Variants in TNR observed in about 807,000 individuals in gnomAD.
TNR encodes tenascin R, also known as tenascin-R.
TNR carries 45 observed loss-of-function variants against 150.4 expected under a neutral mutation model. That is an observed-to-expected ratio of 0.30 (90% CI 0.24 to 0.38). The LOEUF is 0.38. Ranked by LOEUF, TNR falls within the 10% of genes least tolerant of loss-of-function variation. The probability of loss-of-function intolerance (pLI) is 1.00; values close to 1 mark genes in which losing one functional copy is unlikely to be tolerated. For synonymous variants in TNR, 687 were observed against 678.4 expected (o/e 1.01, Z -0.20); for missense variants, 1,544 against 1,759.1 (o/e 0.88, Z 2.19).
chr1:175,693,183 C>T (rs996391623), intron 1 of TNR, among the ~76,000 whole-genome samples: 5 of 152,256 alleles, frequency 3.3e-5, no homozygotes, highest in African/African-American at 9.6e-5. Flanking sequence ...TGCATCATCA[C>T]ACACAATCCC....
At chr1:175,352,519 G>A (rs972478402) in intron 18 of TNR, among the ~76,000 whole-genome samples, 1 of 152,202 alleles carries the variant, frequency 6.6e-6, no homozygotes, top group Non-Finnish European at 1.5e-5. Context: ...ATTAACCTGC[G>A]AATGTGCAGG....
intron 1 of TNR, among the ~76,000 whole-genome samples, chr1:175,549,313 A>G (rs184904992): frequency 9.3e-4 from 141 of 152,370 alleles, no homozygotes; most frequent in African/African-American, 3.2e-3. Flanking sequence ...TCAAACACTG[A>G]TATTAAAAAC....
intron 2 of TNR, among the ~76,000 whole-genome samples, chr1:175,416,880 C>T (rs944423133): frequency 1.4e-4 from 22 of 151,960 alleles, no homozygotes; most frequent in African/African-American, 4.8e-4. Flanking sequence ...TGGTGGCAGG[C>T]GCCTGTAGTC....
intron 1 of TNR, among the ~76,000 whole-genome samples, chr1:175,639,257 C>T (rs1664579134): frequency 6.6e-6 from 1 of 152,180 alleles, no homozygotes; most frequent in African/African-American, 2.4e-5. Flanking sequence ...AACTTCTTGT[C>T]TGAGCAATGT....
intron 1 of TNR, among the ~76,000 whole-genome samples, chr1:175,674,649 G>A (rs1398903929): frequency 6.6e-6 from 1 of 152,138 alleles, no homozygotes; most frequent in Non-Finnish European, 1.5e-5. Flanking sequence ...GGGCCATCTA[G>A]ACGCTTGTTC....
intron 1 of TNR, among the ~76,000 whole-genome samples, chr1:175,683,619 T>C (rs115224119): frequency 0.04 from 6,135 of 152,184 alleles, 394 homozygotes; most frequent in African/African-American, 0.13. Context: ...CACAGGGACC[T>C]GTGTGGTTTG....
chr1:175,638,824 G>A (rs1488361596), intron 1 of TNR, among the ~76,000 whole-genome samples: 1 of 152,082 alleles, frequency 6.6e-6, no homozygotes, highest in Non-Finnish European at 1.5e-5. Context: ...TTGGCATCTA[G>A]AATTTTTTTT....
chr1:175,345,203 GA>G (rs1650723627), intron 18 of TNR, among the ~76,000 whole-genome samples: 1 of 152,154 alleles, frequency 6.6e-6, no homozygotes, highest in African/African-American at 2.4e-5. Context: ...AGAAAGTTTT[GA>G]AAAAGTCTGT....
intron 20 of TNR, among the ~76,000 whole-genome samples, chr1:175,331,810 T>C (rs866337096): frequency 1.3e-5 from 2 of 152,220 alleles, no homozygotes; most frequent in South Asian, 4.1e-4. Context: ...AATTTAGTGG[T>C]TACTCAGGCC....
intron 2 of TNR, among the ~76,000 whole-genome samples, chr1:175,414,700 TGG>T (rs1654359380): frequency 6.6e-6 from 1 of 152,130 alleles, no homozygotes; most frequent in Non-Finnish European, 1.5e-5. Context: ...GGGAGAGACT[TGG>T]GTCACCCAGG....
chr1:175,570,586 T>C (rs1384920956), intron 1 of TNR, among the ~76,000 whole-genome samples: 1 of 152,196 alleles, frequency 6.6e-6, no homozygotes, highest in Admixed American at 6.5e-5. Context: ...TGCCTTTTCA[T>C]GTACGAAGAT....
At chr1:175,568,434 C>T (rs941166998) in intron 1 of TNR, among the ~76,000 whole-genome samples, 1 of 152,158 alleles carries the variant, frequency 6.6e-6, no homozygotes, top group African/African-American at 2.4e-5. Context: ...CTGTTAATAG[C>T]TCCATCCCTT....
chr1:175,483,521 G>C (rs1166623899), intron 2 of TNR, among the ~76,000 whole-genome samples: 2 of 152,184 alleles, frequency 1.3e-5, no homozygotes, highest in African/African-American at 2.4e-5. Context: ...AGACAGGAGA[G>C]TGAGTAAGAA....
At chr1:175,374,196 C>T (rs1440031313) in intron 9 of TNR, among the ~76,000 whole-genome samples, 1 of 152,174 alleles carries the variant, frequency 6.6e-6, no homozygotes, top group Non-Finnish European at 1.5e-5. Flanking sequence ...GCCAGCTGGA[C>T]TCCCTCTGGA....
chr1:175,728,367 A>G (rs1192697863), intron 1 of TNR, among the ~76,000 whole-genome samples: 1 of 152,198 alleles, frequency 6.6e-6, no homozygotes, highest in Non-Finnish European at 1.5e-5. Context: ...GGTCAAGGAT[A>G]TGGTCAGGGA....
chr1:175,646,982 C>G (rs1437301204), intron 1 of TNR, among the ~76,000 whole-genome samples: 3 of 152,194 alleles, frequency 2.0e-5, no homozygotes, highest in African/African-American at 7.2e-5. Context: ...CCCATCTTTC[C>G]AGGCTCCCAG....
intron 1 of TNR, among the ~76,000 whole-genome samples, chr1:175,667,284 A>T (rs1378562356): frequency 6.6e-6 from 1 of 152,200 alleles, no homozygotes; most frequent in Non-Finnish European, 1.5e-5. Context: ...GTGGATAGCA[A>T]GTCTCCCTCA....
Position 175,356,586 on chromosome 1 carries a change from G to C in TNR, c.2975-124C>G. The stretch of plus-strand genomic sequence containing the variant: ...GAATTTTGGAAAAAAATCTTTCATA[G>C]GTTATCTAGCTTAGTATCTTACTCT... On this transcript the variant is annotated intron_variant, in intron 15 of 22. Transcript: ENST00000367674. The C allele has an allele frequency of 4.4e-6, 5 of 1,135,216 alleles. No individual in the cohort carries two copies. In the Middle Eastern group the frequency reaches 9.6e-4, roughly 219 times the overall value. 70.3% of individuals were successfully genotyped at this position (1,135,216 alleles called of 1,614,324 possible). A position where few individuals can be genotyped will look rare whatever the true frequency, so the allele number is the denominator to read the frequency against.
chr1:175,594,656 A>G (rs1662934911), intron 1 of TNR, among the ~76,000 whole-genome samples: 1 of 152,078 alleles, frequency 6.6e-6, no homozygotes, highest in Non-Finnish European at 1.5e-5. Flanking sequence ...GGAGTTTGAG[A>G]CCAGCCTGGG....
Sources: gnomAD v4.1 joint callset for allele counts (sites outside exome capture counted in the v4.1 genomes callset) on GRCh38, gnomAD v4.1.1 for gene constraint, MANE v1.5 for transcripts, NCBI Gene and HGNC (gene_info 2026-07-23, HGNC 2026-07-21) for gene names.